The following LCOR variants were observed in gnomAD, a reference collection of about 807,000 sequenced individuals.
The protein encoded by LCOR is ligand-dependent corepressor.
Under a neutral mutation model 64.4 loss-of-function variants are expected in LCOR, and 14 were observed. The ratio of observed to expected loss-of-function variants is 0.22; its 90% CI spans 0.14 to 0.34. LCOR has a LOEUF of 0.34. Among genes scored for constraint, LCOR ranks in the 10% least tolerant of loss-of-function variants. The pLI, the probability that LCOR is intolerant of heterozygous loss-of-function variation, is 1.00. For synonymous variants in LCOR, 643 were observed against 642.5 expected (o/e 1.00, Z -0.01); for missense variants, 1,686 against 1,765.3 (o/e 0.96, Z 0.80).
At chr10:96,871,439 G>T (rs552410879) in intron 2 of LCOR, among the ~76,000 whole-genome samples, 6 of 151,524 alleles carry the variant, frequency 4.0e-5, no homozygotes, top group African/African-American at 1.2e-4. Flanking sequence ...TTGAATCAGG[G>T]TCTCACTCTG....
intron 2 of LCOR, among the ~76,000 whole-genome samples, chr10:96,873,955 A>G (rs535340478): frequency 6.6e-6 from 1 of 152,158 alleles, no homozygotes; most frequent in Non-Finnish European, 1.5e-5. Context: ...ACTGAGGGAC[A>G]TTCATGAGTT....
intron 2 of LCOR, among the ~76,000 whole-genome samples, chr10:96,833,773 A>G (rs937106583): frequency 6.6e-6 from 1 of 152,124 alleles, no homozygotes; most frequent in Admixed American, 6.5e-5. Flanking sequence ...CTCCTTCCCG[A>G]CAGGGTTTCG....
chr10:96,956,238 TTTG>T lies in LCOR; in HGVS notation c.332+4054_332+4056del, dbSNP rs550945827. The T allele has an allele frequency of 1.1e-4, 110 of 1,037,170 alleles. No individual in the cohort carries two copies. In the Admixed American group the frequency reaches 1.9e-3, roughly 18 times the overall value. The allele number at this position is 1,037,170 out of a possible 1,614,324, so 64.2% of individuals were successfully genotyped here. ...GAGCCTGCATGCTTTTTTGTTTTTT[TTTG>T]TTGTTGTTGTTTTTTCTTAAGTTAT... is the stretch of plus-strand genomic sequence containing the variant. On this transcript the variant is annotated intron_variant, in intron 7 of 7. Coordinates refer to ENST00000421806, the MANE Select transcript of LCOR (RefSeq NM_001346516.2).
Position 96,854,155 on chromosome 10 carries a change from TCTCATTGGCTAAATGAGATAG to T in LCOR, c.-330+20680_-330+20700del, listed in dbSNP as rs1487271500. 4.6e-5 allele frequency among the ~76,000 whole-genome samples: 7 copies of T among 152,220 alleles called. No homozygotes were observed. The South Asian group carries it at 6.2e-4, about 14-fold the overall frequency. ...GCCTCTGCTTGTATAATATCTAATA[TCTCATTGGCTAAATGAGATAG>T]CTCGTTGACTAAATGAATATCTTAC... On this transcript the variant is annotated intron_variant, in intron 2 of 7. Transcript: ENST00000421806.
chr10:96,868,278 C>CTTTTTTTTTT (rs528398644), intron 2 of LCOR, among the ~76,000 whole-genome samples: 1 of 136,628 alleles, frequency 7.3e-6, no homozygotes, highest in Admixed American at 7.3e-5. Context: ...CTTTTCTTTT[C>CTTTTTTTTTT]TTTTTTTTTT....
intron 7 of LCOR, among the ~76,000 whole-genome samples, chr10:96,954,584 C>G (rs1847734115): frequency 1.3e-5 from 2 of 152,128 alleles, no homozygotes; most frequent in South Asian, 2.1e-4. Context: ...ATTGGCAACA[C>G]AATTCTGTGT....
intron 4 of LCOR, among the ~76,000 whole-genome samples, chr10:96,935,591 T>C (rs955362395): frequency 1.3e-5 from 2 of 152,184 alleles, no homozygotes; most frequent in African/African-American, 4.8e-5. Context: ...TCCAGCACTT[T>C]GGGAGGCCAA....
At chr10:96,959,798 G>C (rs1466339257) in intron 7 of LCOR, 2 of 152,162 alleles carry the variant, frequency 1.3e-5, no homozygotes, top group African/African-American at 4.8e-5. Flanking sequence ...AGCAGATCAT[G>C]AATATGAGTA....
chr10:96,898,799 C>T (rs1488301187), intron 2 of LCOR, among the ~76,000 whole-genome samples: 2 of 152,140 alleles, frequency 1.3e-5, no homozygotes, highest in Non-Finnish European at 2.9e-5. Context: ...GGGCATGAAG[C>T]ACCTGCTATA....
Position 96,983,395 on chromosome 10 carries a change from C to A in LCOR, c.2935C>A (p.Pro979Thr), listed in dbSNP as rs781292191. The change falls in exon 8 of 8, where the codon CCA becomes ACA. Residue 979 changes from proline (P) to threonine (T), a missense_variant. Pro to Thr is a conservative substitution (Grantham distance 38). Transcript: ENST00000421806. This position sits in a 1 kb window ranked among gnomAD's most constrained non-coding sequence, Gnocchi z 4.5. Reference sequence around the variant, plus strand: ...GGACCCAGAACAGGCAAAAGAAGAGCCAGGGCATATTCCCACACAGCATGT... The same window carrying A: ...GGACCCAGAACAGGCAAAAGAAGAGACAGGGCATATTCCCACACAGCATGT... Reference protein sequence around the residue: ...KRDPEQAKEEPGHIPTQHVEE... With the variant: ...KRDPEQAKEETGHIPTQHVEE... The A allele has an allele frequency of 7.4e-6, 12 of 1,614,134 alleles. No individual in the cohort carries two copies. Among genetic ancestry groups the A allele is most frequent in the Non-Finnish European group, 1.0e-5 (12 of 1,180,040 alleles).
chr10:96,949,327 T>A (rs904122680), intron 6 of LCOR, 32 bp downstream of exon 6: 12 of 1,596,532 alleles, frequency 7.5e-6, no homozygotes, highest in African/African-American at 6.7e-5. Flanking sequence ...TCCTCTATCT[T>A]ATCAGAATAC....
chr10:96,911,021 A>T (rs1170398905), intron 4 of LCOR, among the ~76,000 whole-genome samples: 1 of 151,974 alleles, frequency 6.6e-6, no homozygotes, highest in Non-Finnish European at 1.5e-5. Flanking sequence ...AAGTTAGAGA[A>T]TGTAATTGTA....
At chr10:96,968,412 C>G (rs1165472609) in intron 7 of LCOR, among the ~76,000 whole-genome samples, 1 of 152,278 alleles carries the variant, frequency 6.6e-6, no homozygotes, top group African/African-American at 2.4e-5. Flanking sequence ...TAAATTTTAA[C>G]TATTAATTGA....
intron 2 of LCOR, among the ~76,000 whole-genome samples, chr10:96,836,886 G>T (rs893753810): frequency 1.3e-5 from 2 of 152,108 alleles, no homozygotes; most frequent in African/African-American, 4.8e-5. Flanking sequence ...GAGACTTTTT[G>T]TTAGGCAACT....
intron 4 of LCOR, among the ~76,000 whole-genome samples, chr10:96,936,172 AC>A (rs995565712): frequency 5.2e-5 from 8 of 152,390 alleles, no homozygotes; most frequent in Admixed American, 2.6e-4. Flanking sequence ...AAAGGGGCCC[AC>A]CAGCTTTTAT....
chr10:96,872,071 A>G (rs1846081375), intron 2 of LCOR, among the ~76,000 whole-genome samples: 1 of 152,196 alleles, frequency 6.6e-6, no homozygotes, highest in Non-Finnish European at 1.5e-5. Flanking sequence ...TGAGATGAGT[A>G]CTGTTCCTAA....
intron 4 of LCOR, among the ~76,000 whole-genome samples, chr10:96,931,496 A>G (rs537218669): frequency 1.2e-4 from 19 of 152,252 alleles, no homozygotes; most frequent in African/African-American, 3.4e-4. Flanking sequence ...CGGTGTCCCA[A>G]AGTGCTGGGA....
chr10:96,956,459 CTT>C (rs1564638006), intron 7 of LCOR: 5 of 984,632 alleles, frequency 5.1e-6, no homozygotes, highest in Non-Finnish European at 4.8e-6. Context: ...GAACCTTTGA[CTT>C]TGAGAAATTT....
intron 7 of LCOR, among the ~76,000 whole-genome samples, chr10:96,965,819 GA>G (rs1564642021): frequency 6.6e-6 from 1 of 152,006 alleles, no homozygotes; most frequent in Non-Finnish European, 1.5e-5. Flanking sequence ...GATTTTTTAA[GA>G]AAGCTAATTA....
Sources: gnomAD v4.1 joint callset for allele counts (sites outside exome capture counted in the v4.1 genomes callset) on GRCh38, gnomAD v4.1.1 for gene constraint, Gnocchi (gnomAD v3.1) non-coding constraint, MANE v1.5 for transcripts, NCBI Gene and HGNC (gene_info 2026-07-23, HGNC 2026-07-21) for gene names.